Variants in OVOL3 observed in about 807,000 individuals in gnomAD.
The protein encoded by OVOL3 is ovo like zinc finger 3, also known as putative transcription factor ovo-like protein 3.
In OVOL3, 15 loss-of-function variants were observed where a neutral mutation model predicts 13.6. The observed-to-expected ratio is 1.11, with a 90% CI of 0.74 to 1.70. The LOEUF (loss-of-function observed/expected upper bound fraction) is 1.70, where lower values mean the gene tolerates loss of function less well. Ranked by LOEUF, OVOL3 falls within the 40% of genes most tolerant of loss-of-function variation. The pLI is 0.00. For synonymous variants in OVOL3, 102 were observed against 108.5 expected, an observed-to-expected ratio of 0.94 and a Z score of 0.37; for missense variants, 290 against 280.6, an observed-to-expected ratio of 1.03 and a Z score of -0.24.
In OVOL3 at chr19:36,112,809, T is replaced by G; in HGVS notation, c.209T>G (p.Leu70Arg). ...TCTGCTCCCAGGGGCCCTGGGACGC[T>G]GGGCTGCCCGCTCTGCCCTAAGGCC... ...LTSAPRGPGT[L>R]GCPLCPKAFP... Residue 70 changes from leucine to arginine, a missense_variant, in exon 3 of 4, where the codon CTG (leucine) becomes CGG (arginine). Leu to Arg is a moderately radical substitution (Grantham distance 102). Transcript: ENST00000633214. The G allele has an allele frequency of 1.3e-6, 2 of 1,535,392 alleles. No individual in the cohort carries two copies. The highest frequency in any genetic ancestry group is 1.7e-6 in the Non-Finnish European group (2 of 1,146,792).
chr19:36,113,382 G>T, intron 3 of OVOL3, 71 bp from the exon 4 acceptor site: 1 of 1,439,288 alleles, frequency 6.9e-7, no homozygotes, highest in East Asian at 2.5e-5. Context: ...TGGAAAGCAG[G>T]GTGGGGGCGC....
chr19:36,111,669 G>A (rs780078644), intron 2 of OVOL3: 15 of 672,138 alleles, frequency 2.2e-5, no homozygotes, highest in African/African-American at 5.3e-5. Context: ...CTCTTCCAGC[G>A]GGGCACAAGA....
In OVOL3 at chr19:36,112,802, G is replaced by C; in HGVS notation, c.202G>C (p.Gly68Arg). The change falls in exon 3 of 4, where the codon GGG becomes CGG. Residue 68 changes from glycine to arginine, a missense_variant. Transcript: ENST00000633214. ...CCTGACCTCTGCTCCCAGGGGCCCT[G>C]GGACGCTGGGCTGCCCGCTCTGCCC... The part of the protein sequence containing the change: ...GNLTSAPRGP[G>R]TLGCPLCPKA... 1 of 1,535,064 alleles carries C rather than the reference G, an allele frequency of 6.5e-7. No individual in the cohort carries two copies. The highest frequency in any genetic ancestry group is 1.2e-5 in the South Asian group (1 of 84,022).
intron 2 of OVOL3, among the ~76,000 whole-genome samples, chr19:36,112,072 G>A (rs537230588): frequency 2.6e-5 from 4 of 151,986 alleles, no homozygotes; most frequent in South Asian, 2.1e-4. Flanking sequence ...ATGGTGGCAC[G>A]TGCCTGTAAT....
intron 2 of OVOL3, 114 bp downstream of exon 2, chr19:36,111,547 C>T (rs771252905): frequency 5.7e-5 from 60 of 1,061,874 alleles, no homozygotes; most frequent in Admixed American, 9.9e-5. Flanking sequence ...CCTCCAGCCT[C>T]GGGACCTGTC....
intron 2 of OVOL3, among the ~76,000 whole-genome samples, chr19:36,112,520 TA>T (rs11427603): frequency 0.011 from 1,643 of 148,122 alleles, 13 homozygotes; most frequent in South Asian, 0.042. Flanking sequence ...ACTCTGTCTT[TA>T]AAAAAAAAAA....
intron 3 of OVOL3, 145 bp from the exon 4 acceptor site, chr19:36,113,308 A>G (rs987407898): frequency 5.1e-5 from 43 of 835,552 alleles, no homozygotes; most frequent in Non-Finnish European, 8.0e-5. Context: ...TGACGGTAGC[A>G]GATGGTGGGT....
intron 2 of OVOL3, among the ~76,000 whole-genome samples, chr19:36,112,096 G>A (rs955599644): frequency 2.0e-5 from 3 of 152,068 alleles, no homozygotes; most frequent in African/African-American, 7.2e-5. Flanking sequence ...AGCTCCTCAG[G>A]AGGCTGAGGC....
At chr19:36,111,773 T>C (rs1485077777) in intron 2 of OVOL3, 2 of 515,272 alleles carry the variant, frequency 3.9e-6, no homozygotes, top group African/African-American at 3.8e-5. Flanking sequence ...CAGCTGTGCA[T>C]GCATTGGAGG....
At chr19:36,112,443 C>T (rs547638220) in intron 2 of OVOL3, among the ~76,000 whole-genome samples, 1 of 152,164 alleles carries the variant, frequency 6.6e-6, no homozygotes, top group African/African-American at 2.4e-5. Flanking sequence ...TCGCTTGAAC[C>T]CGGGAGGCGG....
At position 36,112,881 on chromosome 19, in the gene OVOL3, C is replaced by T; in HGVS notation, c.281C>T (p.Pro94Leu). Reference protein sequence around the residue: ...MLTRHLKCHSPVRRHLCRCCG... With the variant: ...MLTRHLKCHSLVRRHLCRCCG... The stretch of plus-strand genomic sequence containing the variant: ...ACAAGGCACCTCAAGTGCCACAGCC[C>T]CGTGCGCCGCCACCTGTGCCGCTGT... The change falls in exon 3 of 4, where the codon CCC becomes CTC. Residue 94 changes from proline to leucine, a missense_variant. Transcript: ENST00000633214. The T allele has an allele frequency of 6.5e-7, 1 of 1,536,146 alleles. No homozygotes were observed. The highest frequency in any genetic ancestry group is 8.7e-7 in the Non-Finnish European group (1 of 1,146,926).
In OVOL3 at chr19:36,112,806, C is replaced by T. The variant is rs1051431285; in HGVS notation, c.206C>T (p.Thr69Met). The change falls in exon 3 of 4, where the codon ACG becomes ATG. Residue 69 changes from threonine to methionine, a missense_variant. Transcript: ENST00000633214. ...ACCTCTGCTCCCAGGGGCCCTGGGA[C>T]GCTGGGCTGCCCGCTCTGCCCTAAG... ...NLTSAPRGPG[T>M]LGCPLCPKAF... The T allele has an allele frequency of 8.5e-6, 13 of 1,535,166 alleles. No individual in the cohort carries two copies. The highest frequency in any genetic ancestry group is 6.0e-5 in the South Asian group (5 of 84,018).
At chr19:36,111,809 T>A in intron 2 of OVOL3, 1 of 479,012 alleles carries the variant, frequency 2.1e-6, no homozygotes. Context: ...CGGAATGTAA[T>A]ATATTCATGA....
intron 2 of OVOL3, chr19:36,111,844 G>C (rs1256445516): frequency 4.3e-6 from 2 of 463,772 alleles, no homozygotes; most frequent in South Asian, 3.1e-5. Flanking sequence ...TCTAGGCATG[G>C]GCTGTTATAT....
rs1348273930 is a variant in OVOL3, at chr19:36,111,424, G to A, written c.150G>A (p.Pro50=). 18 of 1,535,804 alleles carry A rather than the reference G, an allele frequency of 1.2e-5. No individual in the cohort carries two copies. Among genetic ancestry groups the A allele is most frequent in the African/African-American group, 4.1e-5 (3 of 73,030 alleles). Residue 50 remains proline, a synonymous_variant, in exon 2 of 4, where the codon CCG becomes CCA. Coordinates refer to ENST00000633214, the MANE Select transcript of OVOL3 (RefSeq NM_001302757.2). ...AACAGTCGTCCAGTGTCAGGGATCC[G>A]TGGACAGCGGTGAGTGTGTAACTGG... is the stretch of plus-strand genomic sequence containing the variant. ...PAQQSSSVRD[P]WTAQPTQGNL... is the part of the protein sequence containing the mutation.
At position 36,112,990 on chromosome 19, in the gene OVOL3, AGTT is replaced by A. The variant is rs1448429561; in HGVS notation, c.364+28_364+30del. On this transcript the variant is annotated intron_variant, in intron 3 of 3. Transcript: ENST00000633214. Reference sequence around the variant, plus strand: ...GTGAGCAGTGGCAGGGACAGGGAAAAGTTGCTGGGCCCCAGGTGGGGATGGAAG... The same window carrying A: ...GTGAGCAGTGGCAGGGACAGGGAAAAGCTGGGCCCCAGGTGGGGATGGAAG... 20 of 1,530,978 alleles carry A rather than the reference AGTT, an allele frequency of 1.3e-5. No homozygotes were observed. The Middle Eastern group carries it at 5.0e-4, about 38-fold the overall frequency. The allele number at this position is 1,530,978 out of a possible 1,614,324, so 94.8% of individuals were successfully genotyped here.
At position 36,111,231 on chromosome 19, in the gene OVOL3, G is replaced by C; in HGVS notation, c.29G>C (p.Arg10Pro). The C allele has an allele frequency of 6.5e-7, 1 of 1,535,708 alleles. No individual in the cohort carries two copies. Among genetic ancestry groups the C allele is most frequent in the Non-Finnish European group, 8.7e-7 (1 of 1,146,796 alleles). ...CCCCGCGCCTTCCTGGTCAGGAGTCGGCGTCCACAGCCCCCCAACTGGGGC... is the reference window on the plus strand; with the variant it reads ...CCCCGCGCCTTCCTGGTCAGGAGTCCGCGTCCACAGCCCCCCAACTGGGGC... Reference protein sequence around the residue: MPRAFLVRSRRPQPPNWGHL... With the variant: MPRAFLVRSPRPQPPNWGHL... Residue 10 changes from arginine to proline, a missense_variant, in exon 1 of 4, where the codon CGG (arginine) becomes CCG (proline). Coordinates refer to ENST00000633214, the MANE Select transcript of OVOL3 (RefSeq NM_001302757.2).
chr19:36,112,015 A>C (rs1973832705), intron 2 of OVOL3, among the ~76,000 whole-genome samples: 1 of 152,114 alleles, frequency 6.6e-6, no homozygotes, highest in South Asian at 2.1e-4. Flanking sequence ...AGGCTGGCCA[A>C]CATGTTGAAA....
intron 3 of OVOL3, among the ~76,000 whole-genome samples, chr19:36,113,198 C>T (rs569666594): frequency 6.6e-6 from 1 of 152,148 alleles, no homozygotes; most frequent in Non-Finnish European, 1.5e-5. Flanking sequence ...GGCTCCAGAT[C>T]GAAAGGCAAG....
Sources: gnomAD v4.1 joint callset for allele counts (sites outside exome capture counted in the v4.1 genomes callset) on GRCh38, gnomAD v4.1.1 for gene constraint, MANE v1.5 for transcripts, NCBI Gene and HGNC (gene_info 2026-07-23, HGNC 2026-07-21) for gene names.